The following ZRANB3 variants were observed in gnomAD, a reference collection of about 807,000 sequenced individuals.
ZRANB3 encodes the protein DNA annealing helicase and endonuclease ZRANB3.
ZRANB3 carries 125 observed loss-of-function variants against 133.8 expected under a neutral mutation model. The observed-to-expected ratio is 0.93, with a 90% CI of 0.81 to 1.08. The LOEUF (loss-of-function observed/expected upper bound fraction) is 1.08, where lower values mean the gene tolerates loss of function less well. Ranked by LOEUF, ZRANB3 falls within the 50% of genes least tolerant of loss-of-function variation. The pLI, the probability that ZRANB3 is intolerant of heterozygous loss-of-function variation, is 0.00. For missense variants in ZRANB3, 1,229 were observed against 1,275.5 expected, an observed-to-expected ratio of 0.96 and a Z score of 0.56; for synonymous variants, 387 against 432.7, an observed-to-expected ratio of 0.89 and a Z score of 1.31.
At chr2:135,494,494 T>C (rs950299887) in intron 2 of ZRANB3, among the ~76,000 whole-genome samples, 4 of 152,136 alleles carry the variant, frequency 2.6e-5, no homozygotes, top group African/African-American at 9.7e-5. Context: ...GAATCATCTA[T>C]GTATGCTAAA....
intron 17 of ZRANB3, among the ~76,000 whole-genome samples, chr2:135,214,155 T>C (rs1218409666): frequency 1.3e-5 from 2 of 152,246 alleles, no homozygotes; most frequent in Non-Finnish European, 2.9e-5. Flanking sequence ...AAACTAGTAA[T>C]AGCCAACTTG....
At chr2:135,273,277 T>G (rs1286331206) in intron 9 of ZRANB3, among the ~76,000 whole-genome samples, 1 of 152,100 alleles carries the variant, frequency 6.6e-6, no homozygotes, top group Non-Finnish European at 1.5e-5. Context: ...TATTCATGTA[T>G]GTAGTGCCAT....
intron 2 of ZRANB3, among the ~76,000 whole-genome samples, chr2:135,478,075 C>T (rs957842248): frequency 1.3e-5 from 2 of 152,016 alleles, no homozygotes; most frequent in East Asian, 1.9e-4. Flanking sequence ...CAAACACACC[C>T]AATTTTTTAT....
intron 3 of ZRANB3, among the ~76,000 whole-genome samples, chr2:135,358,444 T>C (rs1027080989): frequency 1.3e-5 from 2 of 152,328 alleles, no homozygotes; most frequent in East Asian, 1.9e-4. Context: ...GTGATGAATT[T>C]AGGCAGCTGA....
chr2:135,374,875 C>T (rs1274385660), intron 3 of ZRANB3, among the ~76,000 whole-genome samples: 2 of 151,956 alleles, frequency 1.3e-5, no homozygotes, highest in East Asian at 1.9e-4. Flanking sequence ...AAAAAAGAAA[C>T]GATTTAAACA....
intron 2 of ZRANB3, among the ~76,000 whole-genome samples, chr2:135,491,440 G>GA (rs1692371245): frequency 6.6e-6 from 1 of 152,070 alleles, no homozygotes; most frequent in Non-Finnish European, 1.5e-5. Context: ...CACCTCCCGG[G>GA]TTTATGCGAT....
chr2:135,258,988 G>A (rs1255054485), intron 12 of ZRANB3, among the ~76,000 whole-genome samples: 1 of 152,072 alleles, frequency 6.6e-6, no homozygotes, highest in Admixed American at 6.6e-5. Context: ...ATACAATGTT[G>A]GCATTTAATT....
chr2:135,209,079 A>T, intron 17 of ZRANB3, 101 bp from the exon 18 acceptor site: 1 of 1,128,486 alleles, frequency 8.9e-7, no homozygotes, highest in Non-Finnish European at 1.3e-6. Flanking sequence ...AAGAAAAAGC[A>T]AGCACAATTC....
chr2:135,354,956 C>T (rs1303312363), intron 3 of ZRANB3, among the ~76,000 whole-genome samples: 1 of 151,938 alleles, frequency 6.6e-6, no homozygotes, highest in African/African-American at 2.4e-5. Flanking sequence ...GTTACTATGG[C>T]AAACAATGGG....
Position 135,197,852 on chromosome 2 carries a change from G to A in ZRANB3, c.*2490C>T, listed in dbSNP as rs190659464. 1.3e-5 allele frequency: 2 copies of A among 152,560 alleles called. No homozygotes were observed. The highest frequency in any genetic ancestry group is 3.9e-4 in the East Asian group (2 of 5,194). 9.5% of individuals were successfully genotyped at this position (152,560 alleles called of 1,614,324 possible). A position where few individuals can be genotyped will look rare whatever the true frequency, so the allele number is the denominator to read the frequency against. The stretch of plus-strand genomic sequence containing the variant: ...AGCCTTTTTTCTTTTTTGAGATGGG[G>A]CCTTGCTGTGTTACCCAGGCTGGTC... On this transcript the variant is annotated 3_prime_UTR_variant, in exon 21 of 21. Transcript: ENST00000264159.
At chr2:135,381,357 T>C (rs1437048051) in intron 3 of ZRANB3, among the ~76,000 whole-genome samples, 2 of 152,070 alleles carry the variant, frequency 1.3e-5, no homozygotes, top group Non-Finnish European at 2.9e-5. Flanking sequence ...GCCTGGAAGC[T>C]CGAACAGGGC....
intron 8 of ZRANB3, among the ~76,000 whole-genome samples, chr2:135,302,067 A>T (rs1443569938): frequency 1.3e-5 from 2 of 152,228 alleles, no homozygotes; most frequent in Non-Finnish European, 2.9e-5. Context: ...GAGAACTCTG[A>T]AACTCATTTT....
At chr2:135,454,845 G>C (rs902087342) in intron 2 of ZRANB3, among the ~76,000 whole-genome samples, 2 of 152,108 alleles carry the variant, frequency 1.3e-5, no homozygotes, top group African/African-American at 2.4e-5. Flanking sequence ...TGGCTGATGG[G>C]CACTTATGAT....
At chr2:135,201,693 T>G (rs1176937749) in intron 20 of ZRANB3, among the ~76,000 whole-genome samples, 1 of 148,508 alleles carries the variant, frequency 6.7e-6, no homozygotes, top group East Asian at 2.0e-4. Flanking sequence ...TAGTAAAGAG[T>G]TCATACTTTA....
At chr2:135,430,027 C>A (rs1689250547) in intron 2 of ZRANB3, among the ~76,000 whole-genome samples, 1 of 151,826 alleles carries the variant, frequency 6.6e-6, no homozygotes, top group African/African-American at 2.4e-5. Context: ...TTAAAATTAG[C>A]CAGGCCCACG....
At chr2:135,477,788 G>A (rs948698583) in intron 2 of ZRANB3, among the ~76,000 whole-genome samples, 14 of 152,262 alleles carry the variant, frequency 9.2e-5, no homozygotes, top group African/African-American at 3.4e-4. Flanking sequence ...AAGCCCAGGA[G>A]TTGGAGACCA....
chr2:135,397,060 G>A (rs1687524162), intron 2 of ZRANB3, among the ~76,000 whole-genome samples: 1 of 151,690 alleles, frequency 6.6e-6, no homozygotes, highest in South Asian at 2.1e-4. Flanking sequence ...CCAGGAGATT[G>A]AGTCTGTAGT....
intron 2 of ZRANB3, among the ~76,000 whole-genome samples, chr2:135,478,394 A>C (rs1691598789): frequency 6.6e-6 from 1 of 152,120 alleles, no homozygotes; most frequent in Admixed American, 6.6e-5. Flanking sequence ...ACCCCCCCGA[A>C]GCCTCTCTTG....
At chr2:135,504,286 T>A (rs1282345949) in intron 2 of ZRANB3, 43 bp downstream of exon 2, 2 of 1,609,560 alleles carry the variant, frequency 1.2e-6, no homozygotes, top group African/African-American at 1.3e-5. Flanking sequence ...TAATACACTT[T>A]CCAGGAATTT....
Sources: allele counts gnomAD v4.1 joint callset (sites outside exome capture counted in the v4.1 genomes callset), GRCh38; gene constraint gnomAD v4.1.1; transcripts MANE v1.5; gene names NCBI Gene and HGNC (gene_info 2026-07-23, HGNC 2026-07-21).